Variants in RCAN1 observed in about 807,000 individuals in gnomAD.
RCAN1 encodes the protein regulator of calcineurin 1.
Under a neutral mutation model 22.9 loss-of-function variants are expected in RCAN1, and 11 were observed. The observed-to-expected ratio is 0.48, with a 90% CI of 0.30 to 0.79. The LOEUF (loss-of-function observed/expected upper bound fraction) is 0.79. Ranked by LOEUF, RCAN1 falls within the 30% of genes least tolerant of loss-of-function variation. The pLI is 0.06. For synonymous variants in RCAN1, 136 were observed against 142.3 expected, an observed-to-expected ratio of 0.96 and a Z score of 0.32; for missense variants, 291 against 337.8, an observed-to-expected ratio of 0.86 and a Z score of 1.09.
intron 1 of RCAN1, among the ~76,000 whole-genome samples, chr21:34,591,825 T>C (rs1987982880): frequency 6.6e-6 from 1 of 152,162 alleles, no homozygotes; most frequent in Non-Finnish European, 1.5e-5. Context: ...CCCACCCAAA[T>C]TAGAATGTAG....
chr21:34,614,659 G>T lies in RCAN1; in HGVS notation c.252+101C>A. On this transcript the variant is annotated intron_variant, in intron 1 of 3. Transcript: ENST00000313806. The surrounding 1 kb of genome is among the most constrained non-coding windows in gnomAD (Gnocchi z 6.0). ...GCCCGGGGGACGTCGCTGCCTCCCC[G>T]CCCCGCGCGCGGCCGGGACTGGGCG... The T allele has an allele frequency of 8.6e-7, 1 of 1,164,050 alleles. No individual in the cohort carries two copies. Among genetic ancestry groups the T allele is most frequent in the Non-Finnish European group, 1.1e-6 (1 of 942,772 alleles). 72.1% of individuals were successfully genotyped at this position (1,164,050 alleles called of 1,614,324 possible).
At chr21:34,589,085 C>T (rs1987890388) in intron 1 of RCAN1, among the ~76,000 whole-genome samples, 1 of 152,190 alleles carries the variant, frequency 6.6e-6, no homozygotes, top group East Asian at 1.9e-4. Context: ...TGGAGATGTG[C>T]TACACAACAA....
chr21:34,606,314 G>A (rs1177830597), intron 1 of RCAN1, among the ~76,000 whole-genome samples: 1 of 152,104 alleles, frequency 6.6e-6, no homozygotes, highest in East Asian at 1.9e-4. Context: ...CCCCTTCTCT[G>A]CTGTGCTGCC....
intron 1 of RCAN1, among the ~76,000 whole-genome samples, chr21:34,530,516 A>G (rs1249214740): frequency 6.6e-6 from 1 of 152,058 alleles, no homozygotes; most frequent in Non-Finnish European, 1.5e-5. Flanking sequence ...GACTTCCAAC[A>G]CTGAGCAAAA....
rs577079046 is a variant in RCAN1 at position 34,526,884 on chromosome 21, A to G, written c.253-3174T>C. 422 of 1,431,460 alleles carry G rather than the reference A, an allele frequency of 2.9e-4. 1 individual carries two copies. The highest frequency in any genetic ancestry group is 2.8e-3 in the Middle Eastern group (14 of 5,010). 88.7% of individuals were successfully genotyped at this position (1,431,460 alleles called of 1,614,324 possible). ...AAGGGCCAGCCCCCACTCCCTGGGG[A>G]AAAAAAAAGTGCAGCTTCCACAGCA... On this transcript the variant is annotated intron_variant, in intron 1 of 3. Transcript: ENST00000313806.
At chr21:34,590,486 A>C (rs969715775) in intron 1 of RCAN1, among the ~76,000 whole-genome samples, 7 of 152,242 alleles carry the variant, frequency 4.6e-5, no homozygotes, top group Admixed American at 1.3e-4. Flanking sequence ...AGGTAATAAG[A>C]ACTGGAGACC....
intron 1 of RCAN1, among the ~76,000 whole-genome samples, chr21:34,579,123 G>A (rs140667179): frequency 0.042 from 6,432 of 152,228 alleles, 437 homozygotes; most frequent in African/African-American, 0.14. Flanking sequence ...GGCCGGGCGC[G>A]GTGGCTCATG....
At position 34,600,187 on chromosome 21, in the gene RCAN1, G is replaced by A. The variant is rs80116525; in HGVS notation, c.252+14573C>T. On this transcript the variant is annotated intron_variant, in intron 1 of 3. Transcript: ENST00000313806. ...GCATGCTGCTGCAGGGCTAAGAATC[G>A]CGTTTTTAAAGGTTAGTTCATTTAA... Among the ~76,000 whole-genome samples, 390 of 152,238 alleles carry A rather than the reference G, an allele frequency of 2.6e-3. 1 individual carries two copies. Among genetic ancestry groups the A allele is most frequent in the African/African-American group, 7.2e-3 (299 of 41,524 alleles).
intron 1 of RCAN1, among the ~76,000 whole-genome samples, chr21:34,529,505 T>C (rs930378867): frequency 6.6e-6 from 1 of 152,238 alleles, no homozygotes; most frequent in Non-Finnish European, 1.5e-5. Flanking sequence ...AGAGTCTGTC[T>C]TTGACTGCAT....
chr21:34,548,582 AAC>A (rs1986236425), intron 1 of RCAN1, among the ~76,000 whole-genome samples: 2 of 152,234 alleles, frequency 1.3e-5, no homozygotes, highest in Admixed American at 1.3e-4. Context: ...AACTTTTAAA[AAC>A]AGTTTCACTG....
chr21:34,536,107 C>T (rs567788194), intron 1 of RCAN1, among the ~76,000 whole-genome samples: 22 of 152,096 alleles, frequency 1.4e-4, no homozygotes, highest in African/African-American at 5.1e-4. Flanking sequence ...TAAAGGTTAA[C>T]CACCCCACTG....
At chr21:34,531,136 G>A (rs977631603) in intron 1 of RCAN1, among the ~76,000 whole-genome samples, 1 of 152,244 alleles carries the variant, frequency 6.6e-6, no homozygotes, top group Non-Finnish European at 1.5e-5. Context: ...GATTCATCTA[G>A]TGATGGTGGC....
At chr21:34,585,513 G>A (rs1212000506) in intron 1 of RCAN1, among the ~76,000 whole-genome samples, 6 of 152,086 alleles carry the variant, frequency 3.9e-5, no homozygotes, top group Admixed American at 3.9e-4. Flanking sequence ...GGAGGCCGAG[G>A]TGGGCGGATC....
At chr21:34,571,531 T>G (rs1015110793) in intron 1 of RCAN1, among the ~76,000 whole-genome samples, 1 of 152,238 alleles carries the variant, frequency 6.6e-6, no homozygotes, top group Admixed American at 6.5e-5. Flanking sequence ...AATCAGTTTG[T>G]TTTAAATTAG....
chr21:34,614,748 C>G lies in RCAN1; in HGVS notation c.252+12G>C, dbSNP rs768992455. On this transcript the variant is annotated intron_variant, in intron 1 of 3. Coordinates refer to ENST00000313806, the MANE Select transcript of RCAN1 (RefSeq NM_004414.7). This position sits in a 1 kb window ranked among gnomAD's most constrained non-coding sequence, Gnocchi z 6.0. ...CCCTCCGCCCCGACGGCCCGCCCGG[C>G]GCGGTCCTCACCCGGCACAGGCCGT... 2.3e-5 allele frequency: 32 copies of G among 1,419,974 alleles called. No individual in the cohort carries two copies. Among genetic ancestry groups the G allele is most frequent in the Middle Eastern group, 2.2e-4 (1 of 4,508 alleles). 88.0% of individuals were successfully genotyped at this position (1,419,974 alleles called of 1,614,324 possible).
intron 1 of RCAN1, among the ~76,000 whole-genome samples, chr21:34,553,405 G>C (rs1017282480): frequency 1.1e-4 from 16 of 152,162 alleles, no homozygotes; most frequent in African/African-American, 3.6e-4. Context: ...ATGATTTATA[G>C]CACATAAAAT....
At chr21:34,572,243 G>A (rs930310236) in intron 1 of RCAN1, among the ~76,000 whole-genome samples, 3 of 152,186 alleles carry the variant, frequency 2.0e-5, no homozygotes. Context: ...TGAGGACTAG[G>A]TTGTCCGAGG....
chr21:34,591,520 G>A (rs1302717098), intron 1 of RCAN1, among the ~76,000 whole-genome samples: 1 of 152,144 alleles, frequency 6.6e-6, no homozygotes. Flanking sequence ...GGTCCAACCA[G>A]CCACGCTAGG....
intron 1 of RCAN1, among the ~76,000 whole-genome samples, chr21:34,601,007 T>C (rs1988320472): frequency 6.6e-6 from 1 of 152,202 alleles, no homozygotes; most frequent in Non-Finnish European, 1.5e-5. Flanking sequence ...CAGGACCCCC[T>C]GGCCTGAAAA....
Sources: gnomAD v4.1 joint callset for allele counts (sites outside exome capture counted in the v4.1 genomes callset) on GRCh38, gnomAD v4.1.1 for gene constraint, Gnocchi (gnomAD v3.1) non-coding constraint, MANE v1.5 for transcripts, NCBI Gene and HGNC (gene_info 2026-07-23, HGNC 2026-07-21) for gene names.